The following EHBP1 variants were observed in gnomAD, a reference collection of about 807,000 sequenced individuals.
EHBP1 encodes EH domain-binding protein 1.
In EHBP1, 55 loss-of-function variants were observed where a neutral mutation model predicts 144.0. The ratio of observed to expected loss-of-function variants is 0.38; its 90% CI spans 0.31 to 0.48. EHBP1 has a LOEUF of 0.48. Among genes scored for constraint, EHBP1 ranks in the 20% least tolerant of loss-of-function variants. The pLI is 0.98. For missense variants in EHBP1, 1,200 were observed against 1,364.2 expected (o/e 0.88, Z 1.90); for synonymous variants, 469 against 472.7 (o/e 0.99, Z 0.10).
chr2:62,688,539 C>A (rs2033794968), intron 1 of EHBP1, among the ~76,000 whole-genome samples: 1 of 152,116 alleles, frequency 6.6e-6, no homozygotes, highest in Non-Finnish European at 1.5e-5. Context: ...ATGCAGTCAT[C>A]CTGCAGTGTT....
intron 19 of EHBP1, among the ~76,000 whole-genome samples, chr2:63,027,689 G>A (rs1055154908): frequency 1.3e-5 from 2 of 152,148 alleles, no homozygotes; most frequent in South Asian, 2.1e-4. Context: ...AGGACATTAT[G>A]TTAAGTGAAA....
intron 7 of EHBP1, among the ~76,000 whole-genome samples, chr2:62,835,965 A>G (rs946355941): frequency 1.2e-3 from 186 of 151,668 alleles, no homozygotes; most frequent in Non-Finnish European, 2.0e-3. Flanking sequence ...AGCGGCCCGG[A>G]AGCTCGAACT....
At chr2:62,926,177 G>T (rs997992070) in intron 10 of EHBP1, among the ~76,000 whole-genome samples, 1 of 152,068 alleles carries the variant, frequency 6.6e-6, no homozygotes, top group Non-Finnish European at 1.5e-5. Flanking sequence ...AATTAATTGT[G>T]CTGGGAAAAC....
At chr2:62,977,173 T>TAA (rs1299604271) in intron 14 of EHBP1, among the ~76,000 whole-genome samples, 14 of 141,458 alleles carry the variant, frequency 9.9e-5, no homozygotes, top group African/African-American at 3.1e-4. Flanking sequence ...CCCCTAGACT[T>TAA]AAAAAAAAAA....
intron 12 of EHBP1, among the ~76,000 whole-genome samples, chr2:62,948,030 T>C (rs2057164247): frequency 6.6e-6 from 1 of 152,218 alleles, no homozygotes; most frequent in Non-Finnish European, 1.5e-5. Context: ...CTCTCATTTT[T>C]GCTTGTTTCA....
intron 1 of EHBP1, among the ~76,000 whole-genome samples, chr2:62,682,513 G>T (rs2033566509): frequency 6.6e-6 from 1 of 152,108 alleles, no homozygotes; most frequent in Non-Finnish European, 1.5e-5. Context: ...TTGCATACTA[G>T]CTTGCACCAA....
intron 5 of EHBP1, among the ~76,000 whole-genome samples, chr2:62,781,496 G>A (rs2042422356): frequency 6.6e-6 from 1 of 152,268 alleles, no homozygotes; most frequent in South Asian, 2.1e-4. Flanking sequence ...CACTGGGAGT[G>A]TGCTGTAGTA....
chr2:62,860,801 A>G (rs1438926831), intron 8 of EHBP1, among the ~76,000 whole-genome samples: 1 of 152,174 alleles, frequency 6.6e-6, no homozygotes, highest in East Asian at 1.9e-4. Flanking sequence ...TATAAAAGAG[A>G]GTGGCAGACA....
At chr2:62,805,916 C>A (rs2044413137) in intron 5 of EHBP1, among the ~76,000 whole-genome samples, 1 of 152,038 alleles carries the variant, frequency 6.6e-6, no homozygotes, top group African/African-American at 2.4e-5. Flanking sequence ...CATTTAGAAC[C>A]TTTATGTTCA....
chr2:62,924,648 AC>A (rs1378349122), intron 10 of EHBP1, among the ~76,000 whole-genome samples: 3 of 152,246 alleles, frequency 2.0e-5, no homozygotes, highest in Non-Finnish European at 4.4e-5. Flanking sequence ...CCAAGATCAA[AC>A]CAAGAAGAAA....
intron 7 of EHBP1, among the ~76,000 whole-genome samples, chr2:62,840,123 A>G (rs2047678816): frequency 6.6e-6 from 1 of 150,724 alleles, no homozygotes; most frequent in Non-Finnish European, 1.5e-5. Flanking sequence ...ACAGCATGGT[A>G]CTGGTACCAA....
chr2:62,676,276 C>G (rs1170140814), intron 1 of EHBP1, among the ~76,000 whole-genome samples: 1 of 152,200 alleles, frequency 6.6e-6, no homozygotes, highest in African/African-American at 2.4e-5. Flanking sequence ...TAAAGTAAAC[C>G]TTAATGACTA....
At chr2:62,949,242 C>A in intron 13 of EHBP1, 80 bp downstream of exon 13, 1 of 1,228,850 alleles carries the variant, frequency 8.1e-7, no homozygotes, top group Non-Finnish European at 1.1e-6. Flanking sequence ...TTCATAGATG[C>A]TACAAATGAT....
At chr2:62,806,115 G>T (rs1404520273) in intron 5 of EHBP1, among the ~76,000 whole-genome samples, 1 of 152,186 alleles carries the variant, frequency 6.6e-6, no homozygotes, top group East Asian at 1.9e-4. Flanking sequence ...CAGGAGCTGG[G>T]AGTACAGGCA....
intron 19 of EHBP1, among the ~76,000 whole-genome samples, chr2:63,018,835 G>C (rs1176846545): frequency 6.6e-6 from 1 of 152,124 alleles, no homozygotes; most frequent in Non-Finnish European, 1.5e-5. Context: ...CCTTATTCTA[G>C]ATTGCAATAA....
intron 10 of EHBP1, among the ~76,000 whole-genome samples, chr2:62,916,799 A>G (rs557039107): frequency 5.3e-4 from 79 of 149,708 alleles, no homozygotes; most frequent in African/African-American, 1.8e-3. Flanking sequence ...TTTTATATAT[A>G]AACATAAAAT....
At chr2:62,681,360 A>ATATATATATTTAT (rs1276350365) in intron 1 of EHBP1, among the ~76,000 whole-genome samples, 1 of 26,676 alleles carries the variant, frequency 3.7e-5, no homozygotes, top group Non-Finnish European at 6.6e-5. Context: ...ATATATATAT[A>ATATATATATTTAT]ATGTGTATAT....
intron 14 of EHBP1, chr2:62,955,905 G>T (rs1394355328): frequency 2.9e-6 from 1 of 340,938 alleles, no homozygotes; most frequent in Non-Finnish European, 5.3e-6. Flanking sequence ...ACATATACAT[G>T]AATAATCTGT....
At chr2:62,796,962 A>C (rs762282258) in intron 5 of EHBP1, among the ~76,000 whole-genome samples, 1 of 152,100 alleles carries the variant, frequency 6.6e-6, no homozygotes, top group Non-Finnish European at 1.5e-5. Flanking sequence ...CCAATGAATA[A>C]AAGTACAGTG....
Sources: gnomAD v4.1 joint callset for allele counts (sites outside exome capture counted in the v4.1 genomes callset) on GRCh38, gnomAD v4.1.1 for gene constraint, MANE v1.5 for transcripts, NCBI Gene and HGNC (gene_info 2026-07-23, HGNC 2026-07-21) for gene names.